The following SIL1 variants were observed in gnomAD, a reference collection of about 807,000 sequenced individuals.
The protein encoded by SIL1 is nucleotide exchange factor SIL1.
In SIL1, 40 loss-of-function variants were observed where a neutral mutation model predicts 49.1. The ratio of observed to expected loss-of-function variants is 0.81; its 90% CI spans 0.63 to 1.06. The LOEUF (loss-of-function observed/expected upper bound fraction) is 1.06. SIL1 is among the 50% of genes least tolerant of loss of function. SIL1 has a pLI of 0.00. For synonymous variants in SIL1, 253 were observed against 250.8 expected, an observed-to-expected ratio of 1.01 and a Z score of -0.08; for missense variants, 500 against 572.6, an observed-to-expected ratio of 0.87 and a Z score of 1.29.
chr5:139,014,947 A>G (rs1408471133), intron 7 of SIL1, among the ~76,000 whole-genome samples: 1 of 151,864 alleles, frequency 6.6e-6, no homozygotes, highest in Admixed American at 6.6e-5. Flanking sequence ...CCAACCTTCT[A>G]TTTTCTGGGC....
chr5:138,951,823 G>C lies in SIL1; in HGVS notation c.829C>G (p.Leu277Val). ...GCAGTGAGCGGCTGCTCCGTGGCCAGGATGACCAGCAGCTTCTGCAGGGCT... is the reference window on the plus strand; with the variant it reads ...GCAGTGAGCGGCTGCTCCGTGGCCACGATGACCAGCAGCTTCTGCAGGGCT... ...GGALQKLLVILATEQPLTAKK... is the reference protein window; with the variant it reads ...GGALQKLLVIVATEQPLTAKK... The change falls in exon 8 of 10, where the codon CTG becomes GTG. Residue 277 changes from leucine (L) to valine (V), a missense_variant. Transcript: ENST00000394817. The C allele has an allele frequency of 6.2e-7, 1 of 1,614,106 alleles. No individual in the cohort carries two copies. Among genetic ancestry groups the C allele is most frequent in the African/African-American group, 1.3e-5 (1 of 75,062 alleles).
At position 139,170,582 on chromosome 5, in the gene SIL1, G is replaced by A. The variant is rs189749228; in HGVS notation, c.-11+27687C>T. ...CGACCCCGTCTGGGAGGTGAGGAGC[G>A]TCTCTGCCCGGCCGCCCCCATCTGA... On this transcript the variant is annotated intron_variant, in intron 1 of 9. Transcript: ENST00000394817. Among the ~76,000 whole-genome samples, 1,323 of 146,778 alleles carry A rather than the reference G, an allele frequency of 9.0e-3. 20 individuals are homozygous for A. Among genetic ancestry groups the A allele is most frequent in the African/African-American group, 0.031 (1,245 of 39,732 alleles).
intron 1 of SIL1, among the ~76,000 whole-genome samples, chr5:139,136,822 T>A (rs1261365231): frequency 1.3e-5 from 2 of 152,014 alleles, no homozygotes; most frequent in African/African-American, 4.8e-5. Flanking sequence ...GAAAAAAAAA[T>A]TCCTCCATGG....
At chr5:139,148,297 A>C (rs1289239861) in intron 1 of SIL1, among the ~76,000 whole-genome samples, 4 of 152,140 alleles carry the variant, frequency 2.6e-5, no homozygotes, top group African/African-American at 9.7e-5. Context: ...CAGCCTGCCA[A>C]GAGTCATCAG....
intron 3 of SIL1, among the ~76,000 whole-genome samples, chr5:139,087,550 A>G (rs1422008060): frequency 6.6e-6 from 1 of 152,158 alleles, no homozygotes. Context: ...ATCTCAAAAA[A>G]TAAAAATAAG....
At chr5:138,963,657 T>G (rs1767072061) in intron 7 of SIL1, among the ~76,000 whole-genome samples, 2 of 152,262 alleles carry the variant, frequency 1.3e-5, no homozygotes, top group African/African-American at 4.8e-5. Flanking sequence ...TTTAAGGTTC[T>G]GACAGTTTAA....
chr5:139,060,053 G>C (rs1376410442), intron 3 of SIL1, among the ~76,000 whole-genome samples: 1 of 152,136 alleles, frequency 6.6e-6, no homozygotes, highest in African/African-American at 2.4e-5. Flanking sequence ...AGTCACTTGG[G>C]TTAGTTCTTC....
intron 9 of SIL1, among the ~76,000 whole-genome samples, chr5:138,949,356 G>T (rs1017935024): frequency 1.3e-5 from 2 of 152,158 alleles, no homozygotes; most frequent in African/African-American, 4.8e-5. Context: ...CCTGATGGGG[G>T]TGTCACATTG....
At chr5:139,057,074 A>G (rs1173488231) in intron 3 of SIL1, among the ~76,000 whole-genome samples, 25 of 152,014 alleles carry the variant, frequency 1.6e-4, no homozygotes, top group Admixed American at 1.3e-3. Flanking sequence ...TAAATGGATT[A>G]AGGGCGCTGC....
At chr5:139,110,774 G>A (rs1770823195) in intron 3 of SIL1, among the ~76,000 whole-genome samples, 1 of 152,216 alleles carries the variant, frequency 6.6e-6, no homozygotes, top group African/African-American at 2.4e-5. Context: ...TTCCCTTGAT[G>A]TTCCCTGTCT....
intron 7 of SIL1, among the ~76,000 whole-genome samples, chr5:139,011,172 G>A (rs1768258676): frequency 6.6e-6 from 1 of 151,158 alleles, no homozygotes; most frequent in South Asian, 2.1e-4. Context: ...GTGGTGCGCC[G>A]TTTTTTAAGC....
chr5:139,119,498 C>T (rs1750561135), intron 3 of SIL1, among the ~76,000 whole-genome samples: 1 of 152,192 alleles, frequency 6.6e-6, no homozygotes, highest in South Asian at 2.1e-4. Context: ...CGGTGGCTCA[C>T]GTCTGTAATC....
intron 1 of SIL1, among the ~76,000 whole-genome samples, chr5:139,164,706 A>C (rs138133094): frequency 6.6e-6 from 1 of 152,332 alleles, no homozygotes; most frequent in African/African-American, 2.4e-5. Flanking sequence ...TAAGTCACAG[A>C]AGTAATAAGA....
chr5:139,027,069 C>T, intron 5 of SIL1, 77 bp from the exon 6 acceptor site: 5 of 1,411,432 alleles, frequency 3.5e-6, no homozygotes, highest in Non-Finnish European at 5.0e-6. Context: ...CCATGGATGC[C>T]CATCCTCAAA....
intron 1 of SIL1, among the ~76,000 whole-genome samples, chr5:139,148,764 T>C (rs541020542): frequency 6.6e-6 from 1 of 152,326 alleles, no homozygotes; most frequent in Admixed American, 6.5e-5. Context: ...CTAGTTTCCT[T>C]ACAGAACTAC....
intron 7 of SIL1, among the ~76,000 whole-genome samples, chr5:138,953,960 C>T (rs1766844944): frequency 6.6e-6 from 1 of 152,232 alleles, no homozygotes; most frequent in Non-Finnish European, 1.5e-5. Flanking sequence ...AAAGACAGCA[C>T]AAAGCTCATC....
At chr5:139,122,450 C>G (rs1275551229) in intron 2 of SIL1, among the ~76,000 whole-genome samples, 1 of 151,974 alleles carries the variant, frequency 6.6e-6, no homozygotes, top group Non-Finnish European at 1.5e-5. Context: ...AAAAAATTAG[C>G]CAGGTGTGGT....
At chr5:139,038,472 T>C (rs1768967414) in intron 5 of SIL1, among the ~76,000 whole-genome samples, 1 of 152,194 alleles carries the variant, frequency 6.6e-6, no homozygotes, top group Non-Finnish European at 1.5e-5. Context: ...CAGAGGCCAA[T>C]CTAAAAACCT....
At chr5:139,150,881 C>T (rs1040899399) in intron 1 of SIL1, among the ~76,000 whole-genome samples, 5 of 152,130 alleles carry the variant, frequency 3.3e-5, no homozygotes, top group African/African-American at 1.2e-4. Context: ...GCTTGGCTCC[C>T]CACAGCCCCA....
Sources: allele counts gnomAD v4.1 joint callset (sites outside exome capture counted in the v4.1 genomes callset), GRCh38; gene constraint gnomAD v4.1.1; transcripts MANE v1.5; gene names NCBI Gene and HGNC (gene_info 2026-07-23, HGNC 2026-07-21).